CPA6: variants seen among roughly 807,000 people sequenced by gnomAD.
CPA6 encodes carboxypeptidase B.
In CPA6, 58 loss-of-function variants were observed where a neutral mutation model predicts 63.3. The ratio of observed to expected loss-of-function variants is 0.92; its 90% CI spans 0.74 to 1.14. The LOEUF (loss-of-function observed/expected upper bound fraction) is 1.14, where lower values mean the gene tolerates loss of function less well. CPA6 is among the 50% of genes most tolerant of loss of function. The pLI is 0.00. For missense variants in CPA6, 565 were observed against 526.6 expected, an observed-to-expected ratio of 1.07 and a Z score of -0.71; for synonymous variants, 185 against 179.0, an observed-to-expected ratio of 1.03 and a Z score of -0.27.
At chr8:67,455,316 G>A (rs1449483228) in intron 8 of CPA6, among the ~76,000 whole-genome samples, 3 of 152,058 alleles carry the variant, frequency 2.0e-5, no homozygotes, top group Admixed American at 6.5e-5. Flanking sequence ...CAAATCCGTG[G>A]TTCTCATTGT....
At chr8:67,559,852 A>AATATATATATATATAT in intron 2 of CPA6, among the ~76,000 whole-genome samples, 1 of 148,148 alleles carries the variant, frequency 6.8e-6, no homozygotes, top group South Asian at 2.1e-4. Context: ...AGTTGGACAA[A>AATATATATATATATAT]ATATATATAT....
chr8:67,607,231 CTTCTTCTTCTTCTT>C (rs1814682789), intron 2 of CPA6, among the ~76,000 whole-genome samples: 3 of 117,274 alleles, frequency 2.6e-5, no homozygotes, highest in African/African-American at 1.0e-4. Context: ...TCTTCTTCTT[CTTCTTCTTCTTCTT>C]CTTCTTCTCC....
At chr8:67,622,787 A>G (rs1033111146) in intron 2 of CPA6, among the ~76,000 whole-genome samples, 4 of 152,148 alleles carry the variant, frequency 2.6e-5, no homozygotes, top group African/African-American at 9.7e-5. Flanking sequence ...GTAGGAAAAA[A>G]CATTTTTCTA....
chr8:67,632,002 C>T (rs574657109), intron 1 of CPA6, among the ~76,000 whole-genome samples: 8 of 152,306 alleles, frequency 5.3e-5, no homozygotes, highest in South Asian at 2.1e-4. Flanking sequence ...ACACTCACCG[C>T]GAGGGTCCGT....
intron 8 of CPA6, among the ~76,000 whole-genome samples, chr8:67,447,635 A>C (rs552255490): frequency 6.6e-6 from 1 of 152,246 alleles, no homozygotes; most frequent in Non-Finnish European, 1.5e-5. Context: ...ATTTTTTGCC[A>C]GATTGCTTGC....
At chr8:67,593,366 T>C (rs1289419816) in intron 2 of CPA6, among the ~76,000 whole-genome samples, 4 of 151,988 alleles carry the variant, frequency 2.6e-5, no homozygotes. Context: ...ATTCTGTTGA[T>C]TTGGGGTGGA....
At chr8:67,472,635 C>T (rs191142597) in intron 8 of CPA6, among the ~76,000 whole-genome samples, 415 of 152,020 alleles carry the variant, frequency 2.7e-3, no homozygotes, top group Non-Finnish European at 4.5e-3. Context: ...GTCATGTTGC[C>T]CAGGCTGGTC....
At chr8:67,433,727 C>G (rs1563950562) in intron 9 of CPA6, among the ~76,000 whole-genome samples, 1 of 152,190 alleles carries the variant, frequency 6.6e-6, no homozygotes, top group East Asian at 1.9e-4. Flanking sequence ...ATTTGAGAAG[C>G]AGCACTACGG....
intron 8 of CPA6, among the ~76,000 whole-genome samples, chr8:67,471,342 T>C (rs570755427): frequency 8.5e-5 from 13 of 152,342 alleles, no homozygotes; most frequent in African/African-American, 2.6e-4. Flanking sequence ...GTTTTCTTCA[T>C]TGCTGTTTTC....
intron 1 of CPA6, among the ~76,000 whole-genome samples, chr8:67,638,688 C>T (rs1587659826): frequency 6.6e-6 from 1 of 151,562 alleles, no homozygotes; most frequent in South Asian, 2.1e-4. Context: ...GCAAAGGCCT[C>T]GTCCCCTTTC....
intron 1 of CPA6, among the ~76,000 whole-genome samples, chr8:67,654,920 G>A (rs1815947066): frequency 6.6e-6 from 1 of 152,068 alleles, no homozygotes; most frequent in African/African-American, 2.4e-5. Context: ...TCTATTGCTC[G>A]CTCTGAAACT....
At chr8:67,514,827 G>T (rs1812110421) in intron 3 of CPA6, among the ~76,000 whole-genome samples, 1 of 152,212 alleles carries the variant, frequency 6.6e-6, no homozygotes, top group East Asian at 1.9e-4. Flanking sequence ...GGCATTCAGA[G>T]AATCAGATCA....
intron 2 of CPA6, among the ~76,000 whole-genome samples, chr8:67,521,660 A>T (rs567278222): frequency 2.0e-5 from 3 of 152,372 alleles, no homozygotes; most frequent in African/African-American, 7.2e-5. Flanking sequence ...GATGAAGAAC[A>T]TGGTGAGATT....
intron 2 of CPA6, among the ~76,000 whole-genome samples, chr8:67,580,502 T>C (rs1813743489): frequency 2.0e-5 from 3 of 152,154 alleles, no homozygotes; most frequent in Admixed American, 2.0e-4. Context: ...AAAAAAATAA[T>C]CAAAACTGGG....
rs144175006 is a variant in CPA6, at chr8:67,718,622, T to C, written c.116+27392A>G. On this transcript the variant is annotated intron_variant, in intron 1 of 10. Coordinates refer to ENST00000297770, the MANE Select transcript of CPA6 (RefSeq NM_020361.5). ...ACAGATTTCCCAATTGTAGGAGATA[T>C]GGGTTATCTGCACATAGACAGCTGA... Among the ~76,000 whole-genome samples the C allele has an allele frequency of 5.1e-3, 768 of 152,004 alleles. 3 individuals carry two copies. The highest frequency in any genetic ancestry group is 0.017 in the Middle Eastern group (5 of 294).
intron 1 of CPA6, among the ~76,000 whole-genome samples, chr8:67,719,430 C>T (rs898796082): frequency 1.3e-5 from 2 of 151,360 alleles, no homozygotes; most frequent in Non-Finnish European, 1.5e-5. Flanking sequence ...GAATTTATTT[C>T]GGGGAAAAAA....
chr8:67,677,396 G>C (rs1196889502), intron 1 of CPA6, among the ~76,000 whole-genome samples: 2 of 141,264 alleles, frequency 1.4e-5, no homozygotes, highest in African/African-American at 5.4e-5. Context: ...ATATTGTTCT[G>C]GGATCCAGAA....
At chr8:67,716,171 A>G (rs1817376707) in intron 1 of CPA6, among the ~76,000 whole-genome samples, 1 of 150,358 alleles carries the variant, frequency 6.7e-6, no homozygotes, top group African/African-American at 2.5e-5. Flanking sequence ...AAAAAAAAAA[A>G]AAAAAAGGAG....
In CPA6 at chr8:67,475,835, C is replaced by CTTTCTT. The variant is rs1554666530; in HGVS notation, c.838+7927_838+7932dup. The stretch of plus-strand genomic sequence containing the variant: ...TTTCTTTCCTTTCTTTTCTTTCTTT[C>CTTTCTT]TTTCTTTCTTTCTTTCTTTCTTTCT... On this transcript the variant is annotated intron_variant, in intron 8 of 10. Coordinates refer to ENST00000297770, the MANE Select transcript of CPA6 (RefSeq NM_020361.5). 3.8e-3 allele frequency among the ~76,000 whole-genome samples: 214 copies of CTTTCTT among 56,744 alleles called. 7 individuals carry two copies. Among genetic ancestry groups the CTTTCTT allele is most frequent in the Non-Finnish European group, 5.7e-3 (177 of 31,256 alleles). The allele number at this position is 56,744 out of a possible 152,430, so 37.2% of individuals were successfully genotyped here.
Sources: gnomAD v4.1 joint callset for allele counts (sites outside exome capture counted in the v4.1 genomes callset) on GRCh38, gnomAD v4.1.1 for gene constraint, MANE v1.5 for transcripts, NCBI Gene and HGNC (gene_info 2026-07-23, HGNC 2026-07-21) for gene names.